The following RSPH3 variants were observed in gnomAD, a reference collection of about 807,000 sequenced individuals.
RSPH3 encodes the protein radial spoke head 3, also known as radial spoke head protein 3 homolog.
In RSPH3, 21 loss-of-function variants were observed where a neutral mutation model predicts 43.8. That is an observed-to-expected ratio of 0.48 (90% CI 0.34 to 0.69). The LOEUF (loss-of-function observed/expected upper bound fraction) is 0.69. Ranked by LOEUF, RSPH3 falls within the 30% of genes least tolerant of loss-of-function variation. The pLI is 0.01. For missense variants in RSPH3, 487 were observed against 516.0 expected, an observed-to-expected ratio of 0.94 and a Z score of 0.54; for synonymous variants, 173 against 179.8, an observed-to-expected ratio of 0.96 and a Z score of 0.30.
downstream of RSPH3, among the ~76,000 whole-genome samples, chr6:158,971,731 C>A (rs149735293): frequency 1.1e-3 from 167 of 152,314 alleles, no homozygotes; most frequent in South Asian, 0.015. Context: ...CGTGACATTG[C>A]AGCTGCTCAA....
intron 2 of RSPH3, 89 bp downstream of exon 2, chr6:158,993,750 G>A (rs1046064482): frequency 7.2e-6 from 5 of 696,426 alleles, no homozygotes; most frequent in Non-Finnish European, 1.2e-5. Context: ...GTTTTAGTCT[G>A]CAACGGATTA....
intron 1 of RSPH3, 72 bp downstream of exon 1, chr6:158,999,363 C>T (rs1468130514): frequency 2.2e-6 from 3 of 1,375,160 alleles, no homozygotes; most frequent in African/African-American, 1.5e-5. Flanking sequence ...TTTGCCAGGG[C>T]GAAGGGGCCA....
chr6:158,993,935 C>T lies in RSPH3; in HGVS notation c.117-9G>A. On this transcript the variant is annotated splice_polypyrimidine_tract_variant and intron_variant, in intron 1 of 7. Transcript: ENST00000367069. ...GCATAGGTTCTTCATCTCTGTAAAA[C>T]AGAAAATTCTGTATAACCACTTTAA... is the stretch of plus-strand genomic sequence containing the variant. 1 of 1,552,556 alleles carries T rather than the reference C, an allele frequency of 6.4e-7. No homozygotes were observed. Among genetic ancestry groups the T allele is most frequent in the South Asian group, 1.1e-5 (1 of 89,480 alleles).
At chr6:158,987,226 G>A (rs928742334) in intron 2 of RSPH3, among the ~76,000 whole-genome samples, 2 of 152,134 alleles carry the variant, frequency 1.3e-5, no homozygotes, top group African/African-American at 2.4e-5. Context: ...TTATTACAGA[G>A]TGACTGTGTT....
chr6:158,965,352 A>C, the RSPH3 span, among the ~76,000 whole-genome samples: 1 of 152,066 alleles, frequency 6.6e-6, no homozygotes, highest in Non-Finnish European at 1.5e-5. Flanking sequence ...TATTGCATTG[A>C]ATCTGGAGAT....
Position 158,999,423 on chromosome 6 carries a change from T to C in RSPH3, c.116+12A>G. On this transcript the variant is annotated intron_variant, in intron 1 of 7. Transcript: ENST00000367069. ...AAGTATGGACCACACAGGGGCTGGC[T>C]TGGTCACTCACGGCTGCGTCAGGCT... 6.7e-7 allele frequency: 1 copy of C among 1,499,554 alleles called. No individual in the cohort carries two copies. Among genetic ancestry groups the C allele is most frequent in the Non-Finnish European group, 8.9e-7 (1 of 1,129,110 alleles). The allele number at this position is 1,499,554 out of a possible 1,614,324, so 92.9% of individuals were successfully genotyped here.
chr6:158,985,907 G>A (rs1280194287), intron 3 of RSPH3, among the ~76,000 whole-genome samples: 1 of 150,314 alleles, frequency 6.7e-6, no homozygotes, highest in Non-Finnish European at 1.5e-5. Flanking sequence ...TCCGCCTCCC[G>A]GGTTCAAGCG....
rs777203885 is a variant in RSPH3 at position 158,989,712 on chromosome 6, G to A, written c.205-3291C>T. Among the ~76,000 whole-genome samples the A allele has an allele frequency of 2.0e-5, 3 of 152,110 alleles. No homozygotes were observed. Among genetic ancestry groups the A allele is most frequent in the Non-Finnish European group, 4.4e-5 (3 of 68,032 alleles). On this transcript the variant is annotated intron_variant, in intron 2 of 7. Coordinates refer to ENST00000367069, the MANE Select transcript of RSPH3 (RefSeq NM_031924.8). The surrounding 1 kb of genome is among the most constrained non-coding windows in gnomAD (Gnocchi z 4.3). Reference sequence around the variant, plus strand: ...ATGCTTCTGGTGGGTTGAATTTCCTGCCAGGAAACCCAACATGGTAGGGAA... The same window carrying A: ...ATGCTTCTGGTGGGTTGAATTTCCTACCAGGAAACCCAACATGGTAGGGAA...
chr6:158,982,484 C>A lies in RSPH3; in HGVS notation c.696+1G>T. The A allele has an allele frequency of 6.3e-7, 1 of 1,587,300 alleles. No individual in the cohort carries two copies. Among genetic ancestry groups the A allele is most frequent in the South Asian group, 1.1e-5 (1 of 89,656 alleles). ...AAGAAAGAAAATATAATTATATATACTTTTTCTTCTCGGTGTCGCCTCTCT... is the reference window on the plus strand; with the variant it reads ...AAGAAAGAAAATATAATTATATATAATTTTTCTTCTCGGTGTCGCCTCTCT... On this transcript the variant is annotated splice_donor_variant, in intron 5 of 7. Coordinates refer to ENST00000367069, the MANE Select transcript of RSPH3 (RefSeq NM_031924.8). LOFTEE classifies it high-confidence loss of function.
downstream of RSPH3, among the ~76,000 whole-genome samples, chr6:158,969,229 T>C (rs1304889343): frequency 6.6e-6 from 1 of 152,168 alleles, no homozygotes; most frequent in African/African-American, 2.4e-5. Flanking sequence ...CAGTTTTTGA[T>C]TATATGGGAA....
In RSPH3 at chr6:158,977,096, G is replaced by A. The variant is rs1053101651; in HGVS notation, c.*442C>T. ...CCCAAAGTGCTGGGATTACAGGTGT[G>A]AGCCACCACGCCTGGCTAGGCATTC... On this transcript the variant is annotated 3_prime_UTR_variant, in exon 8 of 8. Transcript: ENST00000367069. 2 of 157,432 alleles carry A rather than the reference G, an allele frequency of 1.3e-5. No homozygotes were observed. Among genetic ancestry groups the A allele is most frequent in the Non-Finnish European group, 2.8e-5 (2 of 71,686 alleles). The allele number at this position is 157,432 out of a possible 1,614,324, so 9.8% of individuals were successfully genotyped here. A position where few individuals can be genotyped will look rare whatever the true frequency, so the allele number is the denominator to read the frequency against.
intron 6 of RSPH3, 118 bp downstream of exon 6, chr6:158,980,656 A>G: frequency 2.5e-6 from 2 of 789,582 alleles, no homozygotes; most frequent in Non-Finnish European, 4.0e-6. Flanking sequence ...ACTAAAATTG[A>G]CTTTGTGTCA....
intron 5 of RSPH3, 86 bp from the exon 6 acceptor site, chr6:158,981,022 A>G: frequency 7.6e-7 from 1 of 1,311,624 alleles, no homozygotes; most frequent in Non-Finnish European, 1.1e-6. Context: ...ACAAGAATCC[A>G]GACTTATCAA....
chr6:158,982,445 C>T (rs1483355699), intron 5 of RSPH3, 40 bp downstream of exon 5: 1 of 1,361,306 alleles, frequency 7.3e-7, no homozygotes, highest in East Asian at 2.4e-5. Flanking sequence ...TGCTAACTAG[C>T]CAAAAGACTG....
the RSPH3 span, among the ~76,000 whole-genome samples, chr6:158,966,544 T>C: frequency 2.0e-5 from 3 of 152,156 alleles, no homozygotes; most frequent in African/African-American, 7.2e-5. Flanking sequence ...TTGAGTCAGT[T>C]TTGGTAAATT....
At chr6:158,970,065 C>T (rs1386241979), downstream of RSPH3, among the ~76,000 whole-genome samples, 2 of 150,806 alleles carry the variant, frequency 1.3e-5, no homozygotes, top group African/African-American at 4.8e-5. Flanking sequence ...CTATTTTTTG[C>T]CTGCCTTGTA....
chr6:158,978,951 A>G (rs1025448204), intron 6 of RSPH3, among the ~76,000 whole-genome samples: 1 of 152,090 alleles, frequency 6.6e-6, no homozygotes. Context: ...GGTTTGGGAG[A>G]ACTCCAATCC....
chr6:158,978,283 A>T lies in RSPH3; in HGVS notation c.923T>A (p.Met308Lys). 2 of 1,581,712 alleles carry T rather than the reference A, an allele frequency of 1.3e-6. No homozygotes were observed. Among genetic ancestry groups the T allele is most frequent in the Non-Finnish European group, 1.7e-6 (2 of 1,151,904 alleles). Residue 308 changes from methionine (M) to lysine (K), a missense_variant, in exon 7 of 8, where the codon ATG (methionine) becomes AAG (lysine). Coordinates refer to ENST00000367069, the MANE Select transcript of RSPH3 (RefSeq NM_031924.8). ...NEVEKTMEYS[M>K]VGRTVLDMLI... ...ACTGTCAAGCACTGTTCTTCCCACC[A>T]TGCTATATTCCATGGTTTTTTCAAC...
downstream of RSPH3, among the ~76,000 whole-genome samples, chr6:158,967,929 G>A (rs570834088): frequency 6.6e-6 from 1 of 151,972 alleles, no homozygotes; most frequent in Non-Finnish European, 1.5e-5. Flanking sequence ...CCATATCTTT[G>A]TCCATCCTTT....
Sources: allele counts gnomAD v4.1 joint callset (sites outside exome capture counted in the v4.1 genomes callset), GRCh38; gene constraint gnomAD v4.1.1; non-coding constraint Gnocchi (gnomAD v3.1); transcripts MANE v1.5; gene names NCBI Gene and HGNC (gene_info 2026-07-23, HGNC 2026-07-21).